Variants in CNGB1 observed in about 807,000 individuals in gnomAD.
CNGB1 encodes the protein cyclic nucleotide-gated channel beta-1.
In CNGB1, 126 loss-of-function variants were observed where a neutral mutation model predicts 151.7. The ratio of observed to expected loss-of-function variants is 0.83; its 90% CI spans 0.72 to 0.96. The LOEUF (loss-of-function observed/expected upper bound fraction) is 0.96. Ranked by LOEUF, CNGB1 falls within the 40% of genes least tolerant of loss-of-function variation. The pLI, the probability that CNGB1 is intolerant of heterozygous loss-of-function variation, is 0.00. For synonymous variants in CNGB1, 623 were observed against 635.1 expected, an observed-to-expected ratio of 0.98 and a Z score of 0.29; for missense variants, 1,698 against 1,627.0, an observed-to-expected ratio of 1.04 and a Z score of -0.75.
intron 16 of CNGB1, among the ~76,000 whole-genome samples, chr16:57,934,472 T>C (rs911045973): frequency 6.6e-6 from 1 of 152,092 alleles, no homozygotes; most frequent in Non-Finnish European, 1.5e-5. Context: ...GGAAGTAATG[T>C]TCTTACTACA....
chr16:57,885,580 T>TCCCTC (rs746385217), intron 32 of CNGB1, among the ~76,000 whole-genome samples: 1 of 56,978 alleles, frequency 1.8e-5, no homozygotes. Flanking sequence ...CTCTCTCTCT[T>TCCCTC]TCTTTCTTTC....
At chr16:57,924,733 G>A (rs1961140475) in intron 17 of CNGB1, among the ~76,000 whole-genome samples, 1 of 152,058 alleles carries the variant, frequency 6.6e-6, no homozygotes. Flanking sequence ...ATTAGATCAC[G>A]GGGGCGGAGT....
At chr16:57,932,076 G>T (rs1215978389) in intron 16 of CNGB1, among the ~76,000 whole-genome samples, 198 bp from the exon 17 acceptor site, 1 of 152,174 alleles carries the variant, frequency 6.6e-6, no homozygotes, top group Non-Finnish European at 1.5e-5. Flanking sequence ...GAGGGTCACA[G>T]CCACCAGCCC....
intron 14 of CNGB1, among the ~76,000 whole-genome samples, chr16:57,944,069 GTAGAGTCGGGGTTTCA>G (rs1961740042): frequency 6.6e-6 from 1 of 151,692 alleles, no homozygotes; most frequent in Admixed American, 6.6e-5. Flanking sequence ...TGTATTTTTA[GTAGAGTCGGGGTTTCA>G]CCATGTTGGC....
At chr16:57,886,128 T>A (rs1959923046) in intron 32 of CNGB1, among the ~76,000 whole-genome samples, 1 of 152,166 alleles carries the variant, frequency 6.6e-6, no homozygotes. Flanking sequence ...TTGAGGGGCT[T>A]CCTGGGTCAT....
At chr16:57,939,657 C>G (rs1230460672) in intron 15 of CNGB1, 65 bp from the exon 16 acceptor site, 11 of 1,604,008 alleles carry the variant, frequency 6.9e-6, no homozygotes, top group Non-Finnish European at 8.5e-6. Flanking sequence ...CTCAGCAGCT[C>G]CTGTTAGATC....
Position 57,932,741 on chromosome 16 carries a change from C to T in CNGB1, c.1373-863G>A, listed in dbSNP as rs1034160062. On this transcript the variant is annotated intron_variant, in intron 16 of 32. Coordinates refer to ENST00000251102, the MANE Select transcript of CNGB1 (RefSeq NM_001297.5). Reference sequence around the variant, plus strand: ...GAATACAGGCACCTGCCACCACGCCCGGCTAATTTTTTGTATTTTTAGTAG... The same window carrying T: ...GAATACAGGCACCTGCCACCACGCCTGGCTAATTTTTTGTATTTTTAGTAG... 8.5e-5 allele frequency among the ~76,000 whole-genome samples: 13 copies of T among 152,094 alleles called. 1 individual carries two copies. The highest frequency in any genetic ancestry group is 3.4e-3 in the Middle Eastern group (1 of 294).
chr16:57,963,842 TAATGAATGAATGAGTGAAGG>T, intron 4 of CNGB1: 1 of 507,262 alleles, frequency 2.0e-6, no homozygotes, highest in Non-Finnish European at 3.5e-6. Context: ...ATTAACAGTC[TAATGAATGAATGAGTGAAGG>T]AATGAATGAA....
intron 12 of CNGB1, among the ~76,000 whole-genome samples, chr16:57,952,897 G>A (rs1465099053): frequency 6.6e-6 from 1 of 152,146 alleles, no homozygotes; most frequent in East Asian, 1.9e-4. Context: ...AGAGGAGGAC[G>A]GTGCCCAAGA....
chr16:57,917,292 C>T lies in CNGB1; in HGVS notation c.2142G>A (p.Gln714=). The change falls in exon 21 of 33, where the codon CAG becomes CAA. Residue 714 remains glutamine (Q), a synonymous_variant. Coordinates refer to ENST00000251102, the MANE Select transcript of CNGB1 (RefSeq NM_001297.5). Reference sequence around the variant, plus strand: ...CAATGATGTCCCCGCCTCTGACAAACTGCAGGCGTGTCTGGAACACGGTGA... The same window carrying T: ...CAATGATGTCCCCGCCTCTGACAAATTGCAGGCGTGTCTGGAACACGGTGA... ...LDITVFQTRL[Q]FVRGGDIITD... 2 of 1,614,114 alleles carry T rather than the reference C, an allele frequency of 1.2e-6. No individual in the cohort carries two copies. The highest frequency in any genetic ancestry group is 1.7e-6 in the Non-Finnish European group (2 of 1,180,010).
At chr16:57,904,136 A>G (rs1490144396) in intron 26 of CNGB1, among the ~76,000 whole-genome samples, 155 bp from the exon 27 acceptor site, 1 of 152,008 alleles carries the variant, frequency 6.6e-6, no homozygotes, top group Admixed American at 6.6e-5. Context: ...TCACACAGAG[A>G]AAGTTTTACT....
chr16:57,894,758 C>T (rs1412640130), intron 31 of CNGB1, among the ~76,000 whole-genome samples: 1 of 152,134 alleles, frequency 6.6e-6, no homozygotes, highest in Non-Finnish European at 1.5e-5. Flanking sequence ...TTTCTGAGTG[C>T]CCCATTTTGC....
At chr16:57,917,191 T>G (rs1960890942) in intron 21 of CNGB1, 77 bp downstream of exon 21, 2 of 1,193,596 alleles carry the variant, frequency 1.7e-6, no homozygotes, top group Middle Eastern at 2.3e-4. Flanking sequence ...TATGACAGCA[T>G]CAGGGGTCAG....
At chr16:57,919,037 C>G (rs1459815162) in intron 20 of CNGB1, 62 bp downstream of exon 20, 1 of 1,611,972 alleles carries the variant, frequency 6.2e-7, no homozygotes, top group East Asian at 2.2e-5. Flanking sequence ...TCTCCCCATC[C>G]CGCTCCAACT....
chr16:57,893,895 C>A lies in CNGB1; in HGVS notation c.3242+3502G>T, dbSNP rs532806348. ...AACTGAGACCAGAAAAGTTAAACAA[C>A]TTCCTCAAAGTCACACAGCCAGCAC... On this transcript the variant is annotated intron_variant, in intron 31 of 32. Transcript: ENST00000251102. Among the ~76,000 whole-genome samples the A allele has an allele frequency of 7.9e-5, 12 of 152,284 alleles. 1 individual carries two copies. The South Asian group carries it at 2.3e-3, about 29-fold the overall frequency.
intron 19 of CNGB1, among the ~76,000 whole-genome samples, chr16:57,919,608 G>A (rs569565966): frequency 6.6e-6 from 1 of 152,224 alleles, no homozygotes; most frequent in South Asian, 2.1e-4. Flanking sequence ...GATGGGATGG[G>A]GGCATTTTGT....
At position 57,884,250 on chromosome 16, in the gene CNGB1, T is replaced by G; in HGVS notation, c.3670A>C (p.Arg1224=). 1 of 1,613,826 alleles carries G rather than the reference T, an allele frequency of 6.2e-7. No homozygotes were observed. Among genetic ancestry groups the G allele is most frequent in the Non-Finnish European group, 8.5e-7 (1 of 1,179,908 alleles). The stretch of plus-strand genomic sequence containing the variant: ...TCCGGGCCCGGGCTCATGCAGATCC[T>G]CACCGAGTGCTCTTCGGGCTCGGCC... ...GPAEPEEHSV[R]ICMSPGPEPG... is the part of the protein sequence containing the mutation. The change falls in exon 33 of 33, where the codon AGG becomes CGG. Residue 1224 remains arginine (R), a synonymous_variant. Transcript: ENST00000251102.
chr16:57,883,922 G>A lies in CNGB1; in HGVS notation c.*242C>T. The A allele has an allele frequency of 1.7e-6, 1 of 599,486 alleles. No homozygotes were observed. The highest frequency in any genetic ancestry group is 2.0e-5 in the South Asian group (1 of 50,576). The allele number at this position is 599,486 out of a possible 1,614,324, so 37.1% of individuals were successfully genotyped here. A position where few individuals can be genotyped will look rare whatever the true frequency, so the allele number is the denominator to read the frequency against. ...GAAAAGGTAGGGCTCTCAAATGATA[G>A]TGAGAGCTCAGGGACTCGAACACTT... On this transcript the variant is annotated 3_prime_UTR_variant, in exon 33 of 33. Coordinates refer to ENST00000251102, the MANE Select transcript of CNGB1 (RefSeq NM_001297.5).
intron 17 of CNGB1, 79 bp from the exon 18 acceptor site, chr16:57,923,459 A>C: frequency 8.5e-7 from 1 of 1,178,086 alleles, no homozygotes; most frequent in Non-Finnish European, 1.2e-6. Flanking sequence ...TTGATCCCTA[A>C]AGATCATCTA....
Sources: allele counts gnomAD v4.1 joint callset (sites outside exome capture counted in the v4.1 genomes callset), GRCh38; gene constraint gnomAD v4.1.1; transcripts MANE v1.5; gene names NCBI Gene and HGNC (gene_info 2026-07-23, HGNC 2026-07-21).